SLC26A5: variants seen among roughly 807,000 people sequenced by gnomAD.
The protein encoded by SLC26A5 is solute carrier family 26 member 5.
A neutral mutation model predicts 81.0 loss-of-function variants in SLC26A5; 51 were observed. The observed-to-expected ratio is 0.63, with a 90% confidence interval of 0.50 to 0.80. SLC26A5 has a LOEUF of 0.80. Among genes scored for constraint, SLC26A5 ranks in the 30% least tolerant of loss-of-function variants. The probability of loss-of-function intolerance (pLI) is 0.00; values close to 1 mark genes in which losing one functional copy is unlikely to be tolerated. For missense variants in SLC26A5, 771 were observed against 905.8 expected, an observed-to-expected ratio of 0.85 and a Z score of 1.91; for synonymous variants, 325 against 332.8, an observed-to-expected ratio of 0.98 and a Z score of 0.25.
At chr7:103,362,544 C>G (rs1820470445) in intron 19 of SLC26A5, 15 of 1,386,460 alleles carry the variant, frequency 1.1e-5, no homozygotes, top group South Asian at 1.4e-5. Flanking sequence ...ATTTCATGCT[C>G]TCTTTATTTC....
chr7:103,363,309 T>C, intron 19 of SLC26A5: 1 of 1,528,586 alleles, frequency 6.5e-7, no homozygotes. Context: ...AAAAAGCCTG[T>C]GACTGTATGT....
chr7:103,395,103 A>G (rs1432148269), intron 9 of SLC26A5, among the ~76,000 whole-genome samples: 3 of 152,198 alleles, frequency 2.0e-5, no homozygotes, highest in Non-Finnish European at 4.4e-5. Context: ...GAGACCTGCC[A>G]AAGAACCACC....
At chr7:103,407,827 G>C (rs1372845330) in intron 8 of SLC26A5, 24 bp downstream of exon 8, 1 of 1,613,142 alleles carries the variant, frequency 6.2e-7, no homozygotes, top group Non-Finnish European at 8.5e-7. Context: ...AAGCCGAGTA[G>C]GTCACTGACC....
chr7:103,361,607 G>A (rs1820419855), intron 19 of SLC26A5, among the ~76,000 whole-genome samples: 1 of 149,356 alleles, frequency 6.7e-6, no homozygotes, highest in East Asian at 2.0e-4. Context: ...TGTAAGACAA[G>A]ATGACCATCT....
At position 103,395,016 on chromosome 7, in the gene SLC26A5, C is replaced by A. The variant is rs77424725; in HGVS notation, c.972-1950G>T. Among the ~76,000 whole-genome samples the A allele has an allele frequency of 1.1e-3, 171 of 152,204 alleles. 1 individual carries two copies. The highest frequency in any genetic ancestry group is 2.0e-3 in the Non-Finnish European group (138 of 68,034). ...GTGACTCCAGATGAAGTGTCAGACA[C>A]GTGAGTGAAGCCCTCTTGGATCCTC... On this transcript the variant is annotated intron_variant, in intron 9 of 19. Coordinates refer to ENST00000306312, the MANE Select transcript of SLC26A5 (RefSeq NM_198999.3).
At chr7:103,395,522 AATT>A (rs745351060) in intron 9 of SLC26A5, among the ~76,000 whole-genome samples, 67,684 of 95,998 alleles carry the variant, frequency 0.71, 23,245 homozygotes, top group Middle Eastern at 0.85. Context: ...TATATATATA[AATT>A]TTTTTTTTTT....
chr7:103,424,896 G>A (rs149769641), intron 2 of SLC26A5, among the ~76,000 whole-genome samples: 1 of 152,332 alleles, frequency 6.6e-6, no homozygotes, highest in East Asian at 1.9e-4. Context: ...TTTCCACTGG[G>A]TGAGGCCTAA....
In SLC26A5 at chr7:103,374,209, T is replaced by A. The variant is rs906422399; in HGVS notation, c.*190A>T. 1.5e-5 allele frequency: 21 copies of A among 1,385,808 alleles called. No individual in the cohort carries two copies. The highest frequency in any genetic ancestry group is 2.0e-5 in the Non-Finnish European group (21 of 1,073,644). The allele number at this position is 1,385,808 out of a possible 1,614,324, so 85.8% of individuals were successfully genotyped here. On this transcript the variant is annotated 3_prime_UTR_variant, in exon 20 of 20. Coordinates refer to ENST00000306312, the MANE Select transcript of SLC26A5 (RefSeq NM_198999.3). ...AATAAATGCAGGCAACAGGCCAATT[T>A]ATCTTTGAAGTATTCAATTAAAAAA...
At chr7:103,380,202 A>T (rs1821664722) in intron 15 of SLC26A5, among the ~76,000 whole-genome samples, 1 of 152,108 alleles carries the variant, frequency 6.6e-6, no homozygotes, top group Non-Finnish European at 1.5e-5. Flanking sequence ...CACACAAACC[A>T]TCCTTTCAGT....
At chr7:103,434,482 A>G (rs905828585) in intron 2 of SLC26A5, among the ~76,000 whole-genome samples, 2 of 152,000 alleles carry the variant, frequency 1.3e-5, no homozygotes, top group Non-Finnish European at 2.9e-5. Context: ...AACTACAGGA[A>G]CTTTTTTTCC....
At chr7:103,429,844 A>G (rs1562803982) in intron 2 of SLC26A5, among the ~76,000 whole-genome samples, 1 of 152,224 alleles carries the variant, frequency 6.6e-6, no homozygotes, top group African/African-American at 2.4e-5. Flanking sequence ...GCAGGGGCCA[A>G]GGTTGCCATA....
At chr7:103,392,883 G>T (rs770044379) in intron 10 of SLC26A5, 36 bp downstream of exon 10, 95 of 1,613,308 alleles carry the variant, frequency 5.9e-5, no homozygotes, top group Non-Finnish European at 8.1e-5. Context: ...TGATTGTACT[G>T]CTATGAAACA....
At chr7:103,362,789 T>A in intron 19 of SLC26A5, 25 of 1,274,798 alleles carry the variant, frequency 2.0e-5, no homozygotes, top group Non-Finnish European at 2.7e-5. Context: ...AAAGGAAGGC[T>A]ATGTCTTTTT....
intron 19 of SLC26A5, among the ~76,000 whole-genome samples, chr7:103,356,996 C>A (rs1304464098): frequency 6.6e-6 from 1 of 152,040 alleles, no homozygotes; most frequent in East Asian, 1.9e-4. Flanking sequence ...TTTATTTATT[C>A]ACTCACTTTT....
intron 9 of SLC26A5, among the ~76,000 whole-genome samples, chr7:103,396,518 T>C (rs2116524533): frequency 6.6e-6 from 1 of 152,344 alleles, no homozygotes; most frequent in East Asian, 1.9e-4. Flanking sequence ...AATACTGTCA[T>C]ATGCTACAAT....
chr7:103,428,495 T>C (rs190696274), intron 2 of SLC26A5, among the ~76,000 whole-genome samples: 282 of 151,994 alleles, frequency 1.9e-3, no homozygotes, highest in Middle Eastern at 6.8e-3. Flanking sequence ...CCTCCAAAAG[T>C]TTGCTTTTTC....
intron 8 of SLC26A5, among the ~76,000 whole-genome samples, chr7:103,398,345 T>G (rs1395711974): frequency 6.6e-6 from 1 of 152,080 alleles, no homozygotes; most frequent in Admixed American, 6.6e-5. Flanking sequence ...GTGAAATGAG[T>G]CTCTGGCCAC....
At chr7:103,374,706 T>C in intron 19 of SLC26A5, 114 bp from the exon 20 acceptor site, 1 of 357,404 alleles carries the variant, frequency 2.8e-6, no homozygotes, top group South Asian at 6.6e-5. Context: ...TTTTTGTTTC[T>C]TTTTTTTTTT....
chr7:103,439,442 C>G (rs1562815092), intron 2 of SLC26A5, among the ~76,000 whole-genome samples: 1 of 152,230 alleles, frequency 6.6e-6, no homozygotes, highest in East Asian at 1.9e-4. Flanking sequence ...TTGTCCACTG[C>G]TCCTTTCCTT....
Sources: gnomAD v4.1 joint callset for allele counts (sites outside exome capture counted in the v4.1 genomes callset) on GRCh38, gnomAD v4.1.1 for gene constraint, MANE v1.5 for transcripts, NCBI Gene and HGNC (gene_info 2026-07-23, HGNC 2026-07-21) for gene names.